Variants in RPS6KC1 observed in about 807,000 individuals in gnomAD.
RPS6KC1 encodes the protein ribosomal protein S6 kinase C1.
Under a neutral mutation model 103.8 loss-of-function variants are expected in RPS6KC1, and 54 were observed. The observed-to-expected ratio is 0.52, with a 90% CI of 0.42 to 0.65. The LOEUF is 0.65. Ranked by LOEUF, RPS6KC1 falls within the 30% of genes least tolerant of loss-of-function variation. RPS6KC1 has a pLI of 0.00. For missense variants in RPS6KC1, 1,151 were observed against 1,253.8 expected (o/e 0.92, Z 1.24); for synonymous variants, 439 against 438.7 (o/e 1.00, Z -0.01).
the RPS6KC1 span, among the ~76,000 whole-genome samples, chr1:213,858,196 A>G: frequency 6.6e-6 from 1 of 152,352 alleles, no homozygotes; most frequent in East Asian, 1.9e-4. Flanking sequence ...TGCCAGTTAC[A>G]TGCCATATAC....
the RPS6KC1 span, among the ~76,000 whole-genome samples, chr1:213,736,843 C>T: frequency 6.6e-5 from 10 of 152,362 alleles, no homozygotes; most frequent in East Asian, 1.9e-3. Flanking sequence ...CCACCCTAAA[C>T]AGATAACATA....
At position 213,085,178 on chromosome 1, in the gene RPS6KC1, C is replaced by T. The variant is rs564567061; in HGVS notation, c.262+7362C>T. On this transcript the variant is annotated intron_variant, in intron 3 of 14. Coordinates refer to ENST00000366960, the MANE Select transcript of RPS6KC1 (RefSeq NM_012424.6). The stretch of plus-strand genomic sequence containing the variant: ...TGCCTCTTTCAGCTTTTCGTAGCTG[C>T]CTATGTTCCTTGGCTTGTGGCAGCA... Among the ~76,000 whole-genome samples, 15 of 152,290 alleles carry T rather than the reference C, an allele frequency of 9.8e-5. No individual in the cohort carries two copies. In the South Asian group the frequency reaches 2.7e-3, roughly 27 times the overall value.
At chr1:213,808,817 G>T in the RPS6KC1 span, among the ~76,000 whole-genome samples, 2 of 152,368 alleles carry the variant, frequency 1.3e-5, no homozygotes, top group Non-Finnish European at 2.9e-5. Flanking sequence ...GCACTCCCTA[G>T]TGAGATGAAC....
At chr1:213,424,903 T>C in the RPS6KC1 span, among the ~76,000 whole-genome samples, 1 of 152,294 alleles carries the variant, frequency 6.6e-6, no homozygotes, top group African/African-American at 2.4e-5. Flanking sequence ...TCCAGCATCC[T>C]CAGGCCTGTC....
chr1:213,687,052 CAG>C, the RPS6KC1 span, among the ~76,000 whole-genome samples: 28 of 151,650 alleles, frequency 1.8e-4, no homozygotes, highest in Admixed American at 1.6e-3. Flanking sequence ...GTGAGGATAA[CAG>C]AGGTTACTTT....
chr1:213,440,754 T>C, the RPS6KC1 span, among the ~76,000 whole-genome samples: 1 of 152,124 alleles, frequency 6.6e-6, no homozygotes, highest in Non-Finnish European at 1.5e-5. Flanking sequence ...TTCTCATAGA[T>C]GGTGAGTGTT....
At chr1:213,260,646 G>GTT (rs1283483993) in intron 12 of RPS6KC1, among the ~76,000 whole-genome samples, 39 of 137,036 alleles carry the variant, frequency 2.8e-4, no homozygotes, top group African/African-American at 5.1e-4. Context: ...AAATAGTAGG[G>GTT]TTTTTTTTTT....
the RPS6KC1 span, among the ~76,000 whole-genome samples, chr1:213,824,122 G>T: frequency 2.6e-5 from 4 of 152,102 alleles, no homozygotes; most frequent in African/African-American, 7.2e-5. Flanking sequence ...GAACATTAAG[G>T]GCCTCCTATG....
At chr1:213,157,708 T>C (rs1019930365) in intron 6 of RPS6KC1, among the ~76,000 whole-genome samples, 2 of 152,122 alleles carry the variant, frequency 1.3e-5, no homozygotes, top group African/African-American at 4.8e-5. Context: ...GGTTGGTTGA[T>C]AATACTGCTC....
At chr1:213,854,574 CTCTCTT>C in the RPS6KC1 span, among the ~76,000 whole-genome samples, 1,079 of 136,008 alleles carry the variant, frequency 7.9e-3, 15 homozygotes, top group African/African-American at 0.027. Context: ...CTCTCTCTCT[CTCTCTT>C]TCTTTCTTTC....
the RPS6KC1 span, among the ~76,000 whole-genome samples, chr1:213,371,882 G>A: frequency 6.6e-6 from 1 of 152,104 alleles, no homozygotes; most frequent in African/African-American, 2.4e-5. Context: ...TCTGGGGGAG[G>A]GGGACCAGAA....
chr1:213,778,063 A>G, the RPS6KC1 span, among the ~76,000 whole-genome samples: 1 of 152,146 alleles, frequency 6.6e-6, no homozygotes, highest in Non-Finnish European at 1.5e-5. Flanking sequence ...TGAACCCGAA[A>G]TCCCAATCAT....
chr1:213,480,570 A>T, the RPS6KC1 span, among the ~76,000 whole-genome samples: 1 of 152,260 alleles, frequency 6.6e-6, no homozygotes, highest in East Asian at 1.9e-4. Flanking sequence ...CTAAGACTTA[A>T]TATCAGGATA....
At chr1:213,717,248 AT>A in the RPS6KC1 span, among the ~76,000 whole-genome samples, 1 of 152,376 alleles carries the variant, frequency 6.6e-6, no homozygotes, top group Non-Finnish European at 1.5e-5. Flanking sequence ...GATAAATCGC[AT>A]AATGGAACCA....
chr1:213,134,497 T>C (rs2149033671), intron 6 of RPS6KC1, among the ~76,000 whole-genome samples: 1 of 152,262 alleles, frequency 6.6e-6, no homozygotes, highest in Non-Finnish European at 1.5e-5. Context: ...TTTTTAATGT[T>C]AGTACTCAGA....
chr1:213,289,364 A>T, the RPS6KC1 span, among the ~76,000 whole-genome samples: 1 of 152,144 alleles, frequency 6.6e-6, no homozygotes, highest in African/African-American at 2.4e-5. Context: ...TTTTGTAAAG[A>T]AATTTTTTTT....
the RPS6KC1 span, among the ~76,000 whole-genome samples, chr1:213,595,306 C>A: frequency 1.3e-5 from 2 of 152,154 alleles, no homozygotes; most frequent in East Asian, 3.9e-4. Context: ...CACCTCCAAC[C>A]ATTATACCTC....
chr1:213,736,856 T>G, the RPS6KC1 span, among the ~76,000 whole-genome samples: 1 of 152,232 alleles, frequency 6.6e-6, no homozygotes, highest in South Asian at 2.1e-4. Context: ...ATAACATACC[T>G]TCTTTAATTT....
intron 1 of RPS6KC1, among the ~76,000 whole-genome samples, chr1:213,063,479 C>T (rs912901052): frequency 1.3e-5 from 2 of 152,126 alleles, no homozygotes; most frequent in African/African-American, 4.8e-5. Flanking sequence ...TATTTAATTT[C>T]TTAGCACAAT....
Sources: allele counts gnomAD v4.1 joint callset (sites outside exome capture counted in the v4.1 genomes callset), GRCh38; gene constraint gnomAD v4.1.1; transcripts MANE v1.5; gene names NCBI Gene and HGNC (gene_info 2026-07-23, HGNC 2026-07-21).